SOX5: variants seen among roughly 807,000 people sequenced by gnomAD.
SOX5 encodes SRY-box transcription factor 5.
A neutral mutation model predicts 92.0 loss-of-function variants in SOX5; 9 were observed. The ratio of observed to expected loss-of-function variants is 0.10; its 90% CI spans 0.06 to 0.17. The LOEUF (loss-of-function observed/expected upper bound fraction) is 0.17, where lower values mean the gene tolerates loss of function less well. Among genes scored for constraint, SOX5 ranks in the 10% least tolerant of loss-of-function variants. The pLI, the probability that SOX5 is intolerant of heterozygous loss-of-function variation, is 1.00. For missense variants in SOX5, 642 were observed against 944.5 expected (o/e 0.68, Z 4.20); for synonymous variants, 344 against 336.3 (o/e 1.02, Z -0.25).
chr12:24,185,860 T>C (rs2139342050), intron 4 of SOX5, among the ~76,000 whole-genome samples: 1 of 152,228 alleles, frequency 6.6e-6, no homozygotes, highest in East Asian at 1.9e-4. Flanking sequence ...ACATGGAAGG[T>C]ACTTAATAAC....
At chr12:24,506,133 C>T (rs1202302079) in intron 1 of SOX5, among the ~76,000 whole-genome samples, 2 of 152,018 alleles carry the variant, frequency 1.3e-5, no homozygotes, top group Non-Finnish European at 2.9e-5. Flanking sequence ...TTTTTGTAAT[C>T]TTTTTTATCA....
At chr12:23,838,765 T>C (rs924528638) in intron 3 of SOX5, among the ~76,000 whole-genome samples, 5 of 151,244 alleles carry the variant, frequency 3.3e-5, no homozygotes, top group Non-Finnish European at 4.4e-5. Flanking sequence ...GACGCGCTAT[T>C]GCTCTATTTC....
At chr12:23,580,958 T>G (rs1216012312) in intron 9 of SOX5, among the ~76,000 whole-genome samples, 1 of 152,032 alleles carries the variant, frequency 6.6e-6, no homozygotes, top group Non-Finnish European at 1.5e-5. Flanking sequence ...TTACAAACAC[T>G]ATAAAATAAA....
At chr12:23,913,993 A>G (rs1198220893) in intron 1 of SOX5, among the ~76,000 whole-genome samples, 1 of 152,200 alleles carries the variant, frequency 6.6e-6, no homozygotes, top group Admixed American at 6.5e-5. Flanking sequence ...AAGCTTTGGA[A>G]AGGTAACTCA....
chr12:24,495,985 G>T (rs1947595938), intron 1 of SOX5, among the ~76,000 whole-genome samples: 1 of 152,142 alleles, frequency 6.6e-6, no homozygotes. Context: ...GTGATTCCAT[G>T]ACTTTATTTT....
At chr12:23,768,809 T>G (rs925358992) in intron 3 of SOX5, among the ~76,000 whole-genome samples, 2 of 152,116 alleles carry the variant, frequency 1.3e-5, no homozygotes, top group Admixed American at 1.3e-4. Context: ...TTGACAGGGT[T>G]CAACACTGAA....
At chr12:23,606,938 C>A (rs1258038909) in intron 8 of SOX5, among the ~76,000 whole-genome samples, 1 of 152,032 alleles carries the variant, frequency 6.6e-6, no homozygotes. Context: ...ATATCATTTG[C>A]CTTGCTGGTA....
chr12:23,584,246 A>C (rs370298989), intron 9 of SOX5, among the ~76,000 whole-genome samples: 1 of 151,840 alleles, frequency 6.6e-6, no homozygotes, highest in Non-Finnish European at 1.5e-5. Flanking sequence ...GACGGGGGGA[A>C]AAAACCACTG....
At chr12:24,505,858 T>TGTGTGTGTGTGTGCGC (rs67721290) in intron 1 of SOX5, among the ~76,000 whole-genome samples, 1 of 71,136 alleles carries the variant, frequency 1.4e-5, no homozygotes, top group Admixed American at 1.3e-4. Context: ...TGTGTGCGTG[T>TGTGTGTGTGTGTGCGC]GTGTGTGTGT....
chr12:24,144,109 G>A (rs191880364), intron 4 of SOX5, among the ~76,000 whole-genome samples: 59 of 151,552 alleles, frequency 3.9e-4, no homozygotes, highest in Middle Eastern at 3.5e-3. Flanking sequence ...TCATTACAAA[G>A]AGACAAACAG....
intron 3 of SOX5, chr12:24,227,707 A>G (rs1045014893): frequency 1.3e-5 from 2 of 152,174 alleles, no homozygotes; most frequent in Non-Finnish European, 2.9e-5. Context: ...ATTATCACAT[A>G]CAGGGCACTA....
intron 1 of SOX5, among the ~76,000 whole-genome samples, chr12:24,479,307 T>C (rs1945721844): frequency 6.6e-6 from 1 of 152,210 alleles, no homozygotes; most frequent in Non-Finnish European, 1.5e-5. Flanking sequence ...TTATTGTATG[T>C]GTCATTTTCT....
At chr12:24,197,812 C>T (rs546937580) in intron 4 of SOX5, among the ~76,000 whole-genome samples, 14 of 152,040 alleles carry the variant, frequency 9.2e-5, no homozygotes, top group Non-Finnish European at 1.5e-4. Context: ...ACTGCATCCG[C>T]GTATCCACTG....
intron 1 of SOX5, among the ~76,000 whole-genome samples, chr12:24,399,415 C>G (rs900898935): frequency 6.6e-6 from 1 of 152,148 alleles, no homozygotes; most frequent in Non-Finnish European, 1.5e-5. Flanking sequence ...AATTTTATTT[C>G]AAGACACAGG....
At chr12:24,176,800 T>A (rs1353626508) in intron 4 of SOX5, among the ~76,000 whole-genome samples, 4 of 152,126 alleles carry the variant, frequency 2.6e-5, no homozygotes, top group Non-Finnish European at 4.4e-5. Flanking sequence ...GGATTTCCCA[T>A]ATTTTGAATT....
At chr12:24,364,040 A>G (rs1955885868) in intron 2 of SOX5, among the ~76,000 whole-genome samples, 1 of 152,176 alleles carries the variant, frequency 6.6e-6, no homozygotes, top group Non-Finnish European at 1.5e-5. Context: ...GATTATTTAG[A>G]TTAGATGCTT....
intron 6 of SOX5, among the ~76,000 whole-genome samples, chr12:23,680,835 A>G (rs887027015): frequency 6.6e-6 from 1 of 152,152 alleles, no homozygotes; most frequent in Admixed American, 6.6e-5. Flanking sequence ...GTCAATGGAA[A>G]AAAATAAACT....
At chr12:24,111,209 C>T (rs1947314981) in intron 4 of SOX5, among the ~76,000 whole-genome samples, 1 of 152,082 alleles carries the variant, frequency 6.6e-6, no homozygotes, top group Non-Finnish European at 1.5e-5. Context: ...CTAAGCAAAC[C>T]ACATTTCTAA....
At chr12:24,430,814 C>T (rs1240453539) in intron 1 of SOX5, among the ~76,000 whole-genome samples, 1 of 152,126 alleles carries the variant, frequency 6.6e-6, no homozygotes, top group Non-Finnish European at 1.5e-5. Context: ...ATTATTCCTA[C>T]CAAGATACTG....
Sources: allele counts gnomAD v4.1 joint callset (sites outside exome capture counted in the v4.1 genomes callset), GRCh38; gene constraint gnomAD v4.1.1; transcripts MANE v1.5; gene names NCBI Gene and HGNC (gene_info 2026-07-23, HGNC 2026-07-21).